The following CCDC192 variants were observed in gnomAD, a reference collection of about 807,000 sequenced individuals.
The protein encoded by CCDC192 is coiled-coil domain containing 192.
At chr5:127,796,664 G>A (rs1452167812) in intron 3 of CCDC192, among the ~76,000 whole-genome samples, 1 of 151,934 alleles carries the variant, frequency 6.6e-6, no homozygotes, top group Non-Finnish European at 1.5e-5. Flanking sequence ...CTTCTATGGC[G>A]AACATTCAAA....
intron 5 of CCDC192, among the ~76,000 whole-genome samples, chr5:127,844,738 G>A (rs944716348): frequency 4.6e-5 from 7 of 152,188 alleles, no homozygotes; most frequent in African/African-American, 1.7e-4. Flanking sequence ...AGCCTGCCGA[G>A]CAGCCCAGCC....
chr5:127,734,853 A>G (rs933924483), intron 2 of CCDC192, among the ~76,000 whole-genome samples: 1 of 151,850 alleles, frequency 6.6e-6, no homozygotes, highest in African/African-American at 2.4e-5. Context: ...GTAGGTTGCA[A>G]AAATTTTCTC....
In CCDC192 at chr5:127,798,124, G is replaced by A; in HGVS notation, c.373G>A (p.Ala125Thr). The change falls in exon 5 of 7, where the codon GCT (alanine) becomes ACT (threonine). Residue 125 changes from alanine (A) to threonine (T), a missense_variant. Physicochemically the swap from Ala to Thr is moderately conservative, Grantham distance 58 (BLOSUM62 0). Coordinates refer to ENST00000514853, the MANE Select transcript of CCDC192 (RefSeq NM_001317938.2). The stretch of plus-strand genomic sequence containing the variant: ...TTTTCAGTGCATCCAGAAATTGCAA[G>A]CTGAAGTAAAAGCTTCCCAGGAGCA... Reference protein sequence around the residue: ...VKDQCIQKLQAEVKASQEQLI... With the variant: ...VKDQCIQKLQTEVKASQEQLI... The A allele has an allele frequency of 2.5e-6, 1 of 398,352 alleles. No homozygotes were observed. Among genetic ancestry groups the A allele is most frequent in the Non-Finnish European group, 4.4e-6 (1 of 225,612 alleles). 24.7% of individuals were successfully genotyped at this position (398,352 alleles called of 1,614,324 possible). A position where few individuals can be genotyped will look rare whatever the true frequency, so the allele number is the denominator to read the frequency against.
chr5:127,858,964 T>C (rs940593963), intron 5 of CCDC192, among the ~76,000 whole-genome samples: 1 of 152,168 alleles, frequency 6.6e-6, no homozygotes, highest in African/African-American at 2.4e-5. Flanking sequence ...ACATAAAAAT[T>C]GTGTTGAGTA....
intron 6 of CCDC192, among the ~76,000 whole-genome samples, chr5:127,913,057 T>C (rs934958628): frequency 6.6e-6 from 1 of 152,214 alleles, no homozygotes; most frequent in Non-Finnish European, 1.5e-5. Context: ...TATGTGAACT[T>C]TCTGGAGATA....
At chr5:127,783,759 C>A (rs181307628) in intron 3 of CCDC192, among the ~76,000 whole-genome samples, 1 of 151,920 alleles carries the variant, frequency 6.6e-6, no homozygotes, top group Non-Finnish European at 1.5e-5. Context: ...TATTGTATTG[C>A]TGTCTATCTC....
At chr5:127,778,965 C>T (rs958091907) in intron 3 of CCDC192, among the ~76,000 whole-genome samples, 3 of 151,908 alleles carry the variant, frequency 2.0e-5, no homozygotes, top group African/African-American at 7.3e-5. Context: ...AGTATTGTTT[C>T]CACTTTCATT....
At chr5:127,801,802 T>A (rs1331610949) in intron 5 of CCDC192, among the ~76,000 whole-genome samples, 2 of 152,134 alleles carry the variant, frequency 1.3e-5, no homozygotes, top group Non-Finnish European at 2.9e-5. Flanking sequence ...GATTCCTGAA[T>A]TGGGTAGAAA....
At chr5:127,816,017 C>T (rs561943426) in intron 5 of CCDC192, among the ~76,000 whole-genome samples, 5 of 152,110 alleles carry the variant, frequency 3.3e-5, no homozygotes, top group Non-Finnish European at 7.3e-5. Flanking sequence ...TAAAAGGTTT[C>T]ATCCATCATT....
chr5:127,899,630 A>G (rs953540531), intron 6 of CCDC192, among the ~76,000 whole-genome samples: 4 of 152,056 alleles, frequency 2.6e-5, no homozygotes, highest in African/African-American at 7.2e-5. Context: ...TTCAAACCCA[A>G]TCACCCAGCA....
intron 3 of CCDC192, among the ~76,000 whole-genome samples, chr5:127,792,797 A>C (rs1756949977): frequency 7.3e-6 from 1 of 136,804 alleles, no homozygotes; most frequent in South Asian, 2.3e-4. Flanking sequence ...AAGAAGAAGA[A>C]GGAGGAGGAG....
At chr5:127,912,210 G>A (rs935320571) in intron 6 of CCDC192, among the ~76,000 whole-genome samples, 1 of 151,166 alleles carries the variant, frequency 6.6e-6, no homozygotes, top group African/African-American at 2.4e-5. Context: ...GATTACAGGC[G>A]TGAGCAACTG....
intron 2 of CCDC192, among the ~76,000 whole-genome samples, chr5:127,749,614 G>A (rs1391585763): frequency 3.9e-5 from 6 of 151,954 alleles, no homozygotes; most frequent in Non-Finnish European, 5.9e-5. Context: ...GTATCAGAAT[G>A]ATGCTGGCCT....
At chr5:127,824,826 C>T (rs1456103212) in intron 5 of CCDC192, among the ~76,000 whole-genome samples, 1 of 152,142 alleles carries the variant, frequency 6.6e-6, no homozygotes, top group Non-Finnish European at 1.5e-5. Flanking sequence ...TCACAGAGCT[C>T]CTTAGGAAGT....
intron 5 of CCDC192, among the ~76,000 whole-genome samples, chr5:127,815,194 G>A (rs1440254633): frequency 6.6e-6 from 1 of 152,174 alleles, no homozygotes; most frequent in Non-Finnish European, 1.5e-5. Context: ...TGTGACCTGG[G>A]AGCTATTGTA....
At chr5:127,785,852 C>T (rs1756507643) in intron 3 of CCDC192, 1 of 364,516 alleles carries the variant, frequency 2.7e-6, no homozygotes, top group Admixed American at 3.4e-5. Flanking sequence ...TATGAAGCAA[C>T]CACAACCTTG....
intron 5 of CCDC192, among the ~76,000 whole-genome samples, chr5:127,871,263 A>G (rs993470226): frequency 1.1e-4 from 16 of 152,264 alleles, no homozygotes; most frequent in Admixed American, 1.0e-3. Flanking sequence ...GAGGAGATCA[A>G]TGTAATCATG....
intron 2 of CCDC192, among the ~76,000 whole-genome samples, chr5:127,717,926 G>GAAAAAAAAA: frequency 2.2e-4 from 1 of 4,542 alleles, no homozygotes; most frequent in South Asian, 4.1e-3. Context: ...TATAAAGCTA[G>GAAAAAAAAA]ACAAAAAAAA....
intron 6 of CCDC192, among the ~76,000 whole-genome samples, chr5:127,907,243 CAAAT>C (rs1163801552): frequency 2.0e-5 from 3 of 151,952 alleles, no homozygotes; most frequent in Non-Finnish European, 4.4e-5. Flanking sequence ...AGAGACTAAA[CAAAT>C]AAATAAGAGC....
Sources: allele counts gnomAD v4.1 joint callset (sites outside exome capture counted in the v4.1 genomes callset), GRCh38; gene constraint gnomAD v4.1.1; transcripts MANE v1.5; gene names NCBI Gene and HGNC (gene_info 2026-07-23, HGNC 2026-07-21).